The following MMP26 variants were observed in gnomAD, a reference collection of about 807,000 sequenced individuals.
MMP26 encodes matrix metalloproteinase-26.
MMP26 carries 33 observed loss-of-function variants against 31.0 expected under a neutral mutation model. The ratio of observed to expected loss-of-function variants is 1.06; its 90% CI spans 0.81 to 1.42. The LOEUF is 1.42. Among genes scored for constraint, MMP26 ranks in the 40% most tolerant of loss-of-function variants. MMP26 has a pLI of 0.00. For synonymous variants in MMP26, 122 were observed against 114.9 expected, an observed-to-expected ratio of 1.06 and a Z score of -0.40; for missense variants, 347 against 316.1, an observed-to-expected ratio of 1.10 and a Z score of -0.74.
chr11:4,804,382 G>T, intron 2 of MMP26: 5 of 1,610,140 alleles, frequency 3.1e-6, no homozygotes, highest in Non-Finnish European at 4.3e-6. Context: ...CAGCACCATG[G>T]ACTGGTTAAT....
At chr11:4,939,149 A>G (rs374574005) in intron 2 of MMP26, among the ~76,000 whole-genome samples, 11 of 152,268 alleles carry the variant, frequency 7.2e-5, no homozygotes, top group South Asian at 2.1e-4. Flanking sequence ...TTTGATGTCT[A>G]TCTTCTCCCT....
intron 2 of MMP26, chr11:4,768,856 A>G: frequency 1.9e-6 from 1 of 516,882 alleles, no homozygotes; most frequent in Non-Finnish European, 3.3e-6. Flanking sequence ...CATATTTACT[A>G]TTTGTTTGGT....
intron 2 of MMP26, among the ~76,000 whole-genome samples, chr11:4,807,326 C>G (rs1363483694): frequency 6.6e-6 from 1 of 152,140 alleles, no homozygotes. Context: ...TCCACATCCT[C>G]TCCAGCATCT....
At chr11:4,942,874 TG>T (rs1359374071) in intron 2 of MMP26, 2 of 152,214 alleles carry the variant, frequency 1.3e-5, no homozygotes, top group Non-Finnish European at 2.9e-5. Flanking sequence ...TTCAATTAAA[TG>T]GATTGGGTTG....
At chr11:4,862,010 G>A (rs191643669) in intron 2 of MMP26, among the ~76,000 whole-genome samples, 16 of 152,122 alleles carry the variant, frequency 1.1e-4, no homozygotes, top group South Asian at 2.1e-4. Context: ...CAAATTTGCC[G>A]TCTTTAAGTT....
intron 2 of MMP26, chr11:4,882,311 C>T (rs771949735): frequency 6.2e-7 from 1 of 1,613,880 alleles, no homozygotes; most frequent in Non-Finnish European, 8.5e-7. Context: ...TGCTACTATC[C>T]TCACAGACAG....
chr11:4,730,007 T>C (rs959145686), intron 1 of MMP26, among the ~76,000 whole-genome samples: 2 of 151,164 alleles, frequency 1.3e-5, no homozygotes, highest in Non-Finnish European at 3.0e-5. Flanking sequence ...TTGTAGCTGG[T>C]CATGAGACAA....
intron 2 of MMP26, among the ~76,000 whole-genome samples, chr11:4,958,804 T>G (rs560675774): frequency 6.6e-6 from 1 of 152,218 alleles, no homozygotes; most frequent in Non-Finnish European, 1.5e-5. Flanking sequence ...CCTTGCTTAG[T>G]TTGATTTCTG....
intron 2 of MMP26, among the ~76,000 whole-genome samples, chr11:4,844,425 T>C (rs1475307851): frequency 6.6e-6 from 1 of 152,110 alleles, no homozygotes; most frequent in East Asian, 1.9e-4. Context: ...ATGAGGTCAG[T>C]ATTACCATGA....
intron 2 of MMP26, among the ~76,000 whole-genome samples, chr11:4,957,635 TG>T (rs1846462102): frequency 6.6e-6 from 1 of 152,158 alleles, no homozygotes; most frequent in South Asian, 2.1e-4. Context: ...TTATTCTGGT[TG>T]CCTGTTAAAC....
chr11:4,746,831 T>TCACACATACACACACACA (rs1554929540), intron 1 of MMP26, among the ~76,000 whole-genome samples: 7 of 137,218 alleles, frequency 5.1e-5, no homozygotes, highest in Admixed American at 2.2e-4. Flanking sequence ...TAAGTCTCTG[T>TCACACATACACACACACA]CACACACACA....
intron 2 of MMP26, among the ~76,000 whole-genome samples, chr11:4,844,212 G>A (rs141250279): frequency 1.5e-3 from 226 of 152,170 alleles, no homozygotes; most frequent in Middle Eastern, 0.01. Context: ...TACCAAGATT[G>A]AACCACGAAG....
chr11:4,970,947 A>T (rs992027985), intron 2 of MMP26, among the ~76,000 whole-genome samples: 1 of 152,166 alleles, frequency 6.6e-6, no homozygotes, highest in African/African-American at 2.4e-5. Flanking sequence ...GAAGGGAGTG[A>T]ATAGACCTGG....
intron 2 of MMP26, among the ~76,000 whole-genome samples, chr11:4,792,103 T>C (rs1344270265): frequency 1.3e-5 from 2 of 151,496 alleles, no homozygotes; most frequent in South Asian, 4.2e-4. Flanking sequence ...CAATACTTTA[T>C]AGAAGTGACA....
chr11:4,854,727 CA>C (rs1184280488), intron 2 of MMP26, among the ~76,000 whole-genome samples: 1 of 152,198 alleles, frequency 6.6e-6, no homozygotes, highest in Non-Finnish European at 1.5e-5. Context: ...GTTATCCCAG[CA>C]AGGAGTTTGA....
intron 2 of MMP26, among the ~76,000 whole-genome samples, chr11:4,806,833 A>G (rs577644744): frequency 6.6e-6 from 1 of 152,282 alleles, no homozygotes; most frequent in African/African-American, 2.4e-5. Context: ...GGGTCCACCT[A>G]TATCTCTGTC....
chr11:4,823,917 A>G (rs537454517), intron 2 of MMP26, among the ~76,000 whole-genome samples: 1 of 152,300 alleles, frequency 6.6e-6, no homozygotes, highest in East Asian at 1.9e-4. Context: ...TAAGTTAACC[A>G]AAAGAGAGCA....
intron 2 of MMP26, chr11:4,942,915 A>AT (rs1277515084): frequency 6.6e-6 from 1 of 152,224 alleles, no homozygotes; most frequent in Non-Finnish European, 1.5e-5. Flanking sequence ...ATTAAAGAAT[A>AT]TTTTTTCATG....
Position 4,992,395 on chromosome 11 carries a change from T to G in MMP26, c.*153T>G. 1 of 659,816 alleles carries G rather than the reference T, an allele frequency of 1.5e-6. No individual in the cohort carries two copies. The highest frequency in any genetic ancestry group is 2.6e-6 in the Non-Finnish European group (1 of 377,682). 40.9% of individuals were successfully genotyped at this position (659,816 alleles called of 1,614,324 possible). On this transcript the variant is annotated 3_prime_UTR_variant, in exon 8 of 8. Transcript: ENST00000380390. The stretch of plus-strand genomic sequence containing the variant: ...TTAGCTGAACCGACACTCAAAACGC[T>G]ACTGAGTCACAATAAAGATTGTTTT...
Sources: gnomAD v4.1 joint callset for allele counts (sites outside exome capture counted in the v4.1 genomes callset) on GRCh38, gnomAD v4.1.1 for gene constraint, MANE v1.5 for transcripts, NCBI Gene and HGNC (gene_info 2026-07-23, HGNC 2026-07-21) for gene names.